ANKFN1: variants seen among roughly 807,000 people sequenced by gnomAD.
The protein encoded by ANKFN1 is ankyrin repeat and fibronectin type III domain containing 1.
A neutral mutation model predicts 108.7 loss-of-function variants in ANKFN1; 74 were observed. The observed-to-expected ratio is 0.68, with a 90% CI of 0.56 to 0.83. The LOEUF is 0.83. Ranked by LOEUF, ANKFN1 falls within the 40% of genes least tolerant of loss-of-function variation. The probability of loss-of-function intolerance (pLI) is 0.00; values close to 1 mark genes in which losing one functional copy is unlikely to be tolerated. For missense variants in ANKFN1, 1,505 were observed against 1,382.3 expected, an observed-to-expected ratio of 1.09 and a Z score of -1.41; for synonymous variants, 547 against 516.2, an observed-to-expected ratio of 1.06 and a Z score of -0.81.
At chr17:56,291,303 C>T (rs1027135821) in intron 3 of ANKFN1, among the ~76,000 whole-genome samples, 2 of 152,082 alleles carry the variant, frequency 1.3e-5, no homozygotes, top group African/African-American at 4.8e-5. Flanking sequence ...ATTGACTAAA[C>T]ATATGGGATT....
intron 3 of ANKFN1, among the ~76,000 whole-genome samples, chr17:56,279,308 T>A (rs1347735388): frequency 6.6e-6 from 1 of 152,210 alleles, no homozygotes; most frequent in African/African-American, 2.4e-5. Flanking sequence ...ATAATAAATG[T>A]TCATGCTGAG....
chr17:56,205,446 T>A (rs1323219860), intron 1 of ANKFN1, among the ~76,000 whole-genome samples: 1 of 152,252 alleles, frequency 6.6e-6, no homozygotes, highest in Non-Finnish European at 1.5e-5. Context: ...TTTTTATTGC[T>A]CCTGCTCTCT....
intron 8 of ANKFN1, among the ~76,000 whole-genome samples, chr17:56,385,740 T>C (rs999302801): frequency 2.0e-5 from 3 of 152,164 alleles, no homozygotes; most frequent in South Asian, 2.1e-4. Context: ...TCACTGGCCA[T>C]CAGAGAAATG....
intron 6 of ANKFN1, among the ~76,000 whole-genome samples, chr17:56,361,056 A>C (rs1271480352): frequency 6.6e-6 from 1 of 151,970 alleles, no homozygotes; most frequent in Non-Finnish European, 1.5e-5. Flanking sequence ...TGACTTTTTA[A>C]ATTTCCAGAT....
chr17:56,234,279 G>C (rs1916948161), intron 3 of ANKFN1, among the ~76,000 whole-genome samples: 1 of 151,490 alleles, frequency 6.6e-6, no homozygotes, highest in South Asian at 2.1e-4. Context: ...AAAAAGCATA[G>C]GTAATTTAAA....
chr17:56,380,110 A>G (rs1423907421), intron 8 of ANKFN1, among the ~76,000 whole-genome samples: 1 of 152,210 alleles, frequency 6.6e-6, no homozygotes, highest in Non-Finnish European at 1.5e-5. Flanking sequence ...CTGTCTTCCT[A>G]ATCAGGCTGA....
intron 4 of ANKFN1, among the ~76,000 whole-genome samples, chr17:56,342,256 T>C (rs539032999): frequency 6.6e-6 from 1 of 151,686 alleles, no homozygotes; most frequent in African/African-American, 2.4e-5. Flanking sequence ...AAAAGCTCCT[T>C]GATTAATTGA....
In ANKFN1 at chr17:56,480,811, T is replaced by TGA. The variant is rs1568037491; in HGVS notation, c.2084_2085insGA (p.His696AsnfsTer85). The TGA allele has an allele frequency of 6.2e-7, 1 of 1,613,704 alleles. No homozygotes were observed. Among genetic ancestry groups the TGA allele is most frequent in the Admixed American group, 1.7e-5 (1 of 59,982 alleles). On this transcript the variant is annotated frameshift_variant, in exon 17 of 21. Coordinates refer to ENST00000682825, the MANE Select transcript of ANKFN1 (RefSeq NM_001370326.1). LOFTEE classifies it high-confidence loss of function. Reference sequence around the variant, plus strand: ...CTCCTTCAGCAGATCAATATACCTCTACACCAGGTACTAGACTTTACCATT... The same window carrying TGA: ...CTCCTTCAGCAGATCAATATACCTCTGAACACCAGGTACTAGACTTTACCATT...
At chr17:56,475,790 C>G (rs1258817648) in intron 15 of ANKFN1, among the ~76,000 whole-genome samples, 1 of 152,032 alleles carries the variant, frequency 6.6e-6, no homozygotes, top group Admixed American at 6.6e-5. Context: ...GTTGTTTAAC[C>G]CTTGTTTTTT....
At chr17:56,481,589 ATAC>A (rs2050704537) in intron 17 of ANKFN1, among the ~76,000 whole-genome samples, 1 of 152,144 alleles carries the variant, frequency 6.6e-6, no homozygotes, top group Non-Finnish European at 1.5e-5. Context: ...CTCTCTTTAA[ATAC>A]GAGAGAGAAC....
At chr17:56,106,924 C>T (rs1255778983) in intron 4 of ANKFN1, among the ~76,000 whole-genome samples, 3 of 152,198 alleles carry the variant, frequency 2.0e-5, no homozygotes, top group African/African-American at 4.8e-5. Flanking sequence ...AAGAGAGACA[C>T]ACTGAGAGGT....
At chr17:56,398,785 T>C (rs890921496) in intron 8 of ANKFN1, among the ~76,000 whole-genome samples, 26 of 152,164 alleles carry the variant, frequency 1.7e-4, no homozygotes, top group African/African-American at 6.3e-4. Context: ...TCATCTCTTC[T>C]GATAAGGAGA....
Position 56,281,386 on chromosome 17 carries a change from C to T in ANKFN1, c.54-44835C>T, listed in dbSNP as rs183458836. On this transcript the variant is annotated intron_variant, in intron 3 of 20. Transcript: ENST00000682825. ...GGAAAAAAAGAATCTCAACCCCTATCTCATACAAAAATTAATTTTATATGG... is the reference window on the plus strand; with the variant it reads ...GGAAAAAAAGAATCTCAACCCCTATTTCATACAAAAATTAATTTTATATGG... Among the ~76,000 whole-genome samples the T allele has an allele frequency of 2.0e-5, 3 of 152,228 alleles. No individual in the cohort carries two copies. The East Asian group carries it at 5.8e-4, about 29-fold the overall frequency.
At chr17:56,117,024 G>C (rs1217413357) in intron 4 of ANKFN1, among the ~76,000 whole-genome samples, 1 of 152,102 alleles carries the variant, frequency 6.6e-6, no homozygotes, top group Non-Finnish European at 1.5e-5. Context: ...AAATTTTTCA[G>C]CTCCTCAGAC....
chr17:56,125,223 A>G (rs1442678786), intron 4 of ANKFN1, among the ~76,000 whole-genome samples: 1 of 152,158 alleles, frequency 6.6e-6, no homozygotes, highest in Non-Finnish European at 1.5e-5. Flanking sequence ...CTTCCCTTGT[A>G]TCTTTGGTTC....
chr17:56,370,426 G>C lies in ANKFN1; in HGVS notation c.602-2220G>C, dbSNP rs1333446839. On this transcript the variant is annotated intron_variant, in intron 6 of 20. Coordinates refer to ENST00000682825, the MANE Select transcript of ANKFN1 (RefSeq NM_001370326.1). ...ATTCACACCAGTAATAACTGTTGTG[G>C]ATATAAAAATTAATAGTGGGGATTT... Among the ~76,000 whole-genome samples the C allele has an allele frequency of 2.6e-5, 4 of 152,256 alleles. No individual in the cohort carries two copies. The South Asian group carries it at 8.3e-4, about 32-fold the overall frequency.
intron 3 of ANKFN1, among the ~76,000 whole-genome samples, chr17:56,305,436 A>G (rs1246827019): frequency 1.3e-5 from 2 of 152,144 alleles, no homozygotes; most frequent in African/African-American, 2.4e-5. Flanking sequence ...TTTGCCATCT[A>G]TGTATCCTCT....
intron 1 of ANKFN1, among the ~76,000 whole-genome samples, chr17:56,203,169 A>C (rs755903006): frequency 6.6e-6 from 1 of 152,180 alleles, no homozygotes; most frequent in Non-Finnish European, 1.5e-5. Context: ...ATCTACTGTA[A>C]GTTTCCAGGG....
Position 56,477,790 on chromosome 17 carries a change from A to G in ANKFN1, c.1940+136A>G, listed in dbSNP as rs947130819. The stretch of plus-strand genomic sequence containing the variant: ...GAGGTGTCCTCAGATGCCACACTGA[A>G]GTGGGGCAGAGCTTAGTTTTGGGGT... On this transcript the variant is annotated intron_variant, in intron 16 of 20. Coordinates refer to ENST00000682825, the MANE Select transcript of ANKFN1 (RefSeq NM_001370326.1). The G allele has an allele frequency of 8.1e-6, 7 of 863,594 alleles. No homozygotes were observed. In the African/African-American group the frequency reaches 1.0e-4, roughly 13 times the overall value. The allele number at this position is 863,594 out of a possible 1,614,324, so 53.5% of individuals were successfully genotyped here.
Sources: gnomAD v4.1 joint callset for allele counts (sites outside exome capture counted in the v4.1 genomes callset) on GRCh38, gnomAD v4.1.1 for gene constraint, MANE v1.5 for transcripts, NCBI Gene and HGNC (gene_info 2026-07-23, HGNC 2026-07-21) for gene names.